DNMBP: variants seen among roughly 807,000 people sequenced by gnomAD.
DNMBP encodes the protein dynamin-binding protein.
DNMBP carries 87 observed loss-of-function variants against 150.0 expected under a neutral mutation model. The ratio of observed to expected loss-of-function variants is 0.58; its 90% CI spans 0.49 to 0.69. The LOEUF is 0.69. Among genes scored for constraint, DNMBP ranks in the 30% least tolerant of loss-of-function variants. DNMBP has a pLI of 0.00. For synonymous variants in DNMBP, 711 were observed against 750.4 expected (o/e 0.95, Z 0.86); for missense variants, 1,774 against 1,949.0 (o/e 0.91, Z 1.69).
intron 11 of DNMBP, among the ~76,000 whole-genome samples, chr10:99,889,912 TCTC>T (rs1175112549): frequency 6.6e-6 from 1 of 152,102 alleles, no homozygotes; most frequent in African/African-American, 2.4e-5. Context: ...ACCAGTTACC[TCTC>T]CTTCCTCAAG....
chr10:100,000,233 A>G (rs767004351), intron 1 of DNMBP, among the ~76,000 whole-genome samples: 2 of 152,182 alleles, frequency 1.3e-5, no homozygotes, highest in Admixed American at 6.5e-5. Context: ...GGAGGAAAGA[A>G]CCAACTAGAA....
At chr10:99,948,497 C>T in intron 4 of DNMBP, among the ~76,000 whole-genome samples, 1 of 152,126 alleles carries the variant, frequency 6.6e-6, no homozygotes, top group East Asian at 1.9e-4. Flanking sequence ...CACCTCAACT[C>T]TTAAGATTTT....
chr10:99,988,697 T>C (rs959140972), intron 1 of DNMBP, among the ~76,000 whole-genome samples: 3 of 152,180 alleles, frequency 2.0e-5, no homozygotes, highest in Non-Finnish European at 4.4e-5. Context: ...AGTCTTGCTC[T>C]GTCACCCAGG....
chr10:99,884,897 C>T (rs2039432831), intron 14 of DNMBP, among the ~76,000 whole-genome samples: 1 of 151,968 alleles, frequency 6.6e-6, no homozygotes, highest in Non-Finnish European at 1.5e-5. Context: ...GAGCAAGGCT[C>T]TGTCTCAAAA....
At position 99,900,069 on chromosome 10, in the gene DNMBP, T is replaced by TG. The variant is rs1469228125; in HGVS notation, c.2555-4_2555-3insC. 6.2e-7 allele frequency: 1 copy of TG among 1,614,138 alleles called. No individual in the cohort carries two copies. The highest frequency in any genetic ancestry group is 2.2e-5 in the East Asian group (1 of 44,874). On this transcript the variant is annotated splice_polypyrimidine_tract_variant and splice_region_variant and intron_variant, in intron 6 of 16. Transcript: ENST00000324109. ...CCGGTGACCAAGAAACACAGGTCCTTTGGAATACACACAAACATACAGTGT... is the reference window on the plus strand; with the variant it reads ...CCGGTGACCAAGAAACACAGGTCCTTGTGGAATACACACAAACATACAGTGT...
At chr10:99,985,470 C>A (rs1473001286) in intron 1 of DNMBP, among the ~76,000 whole-genome samples, 1 of 152,048 alleles carries the variant, frequency 6.6e-6, no homozygotes, top group Non-Finnish European at 1.5e-5. Flanking sequence ...CTCAGCCACC[C>A]AGGGGAGAGT....
At chr10:99,885,900 A>G in intron 13 of DNMBP, 34 bp from the exon 14 acceptor site, 1 of 1,544,908 alleles carries the variant, frequency 6.5e-7, no homozygotes, top group Middle Eastern at 1.7e-4. Context: ...GATAGAGAAA[A>G]GAAGAAAACA....
intron 13 of DNMBP, among the ~76,000 whole-genome samples, 157 bp from the exon 14 acceptor site, chr10:99,886,023 G>A (rs1451689144): frequency 2.0e-5 from 3 of 152,200 alleles, no homozygotes; most frequent in South Asian, 2.1e-4. Context: ...CTGAGCTACC[G>A]ACACAGCAGC....
intron 3 of DNMBP, among the ~76,000 whole-genome samples, chr10:99,964,996 G>A (rs1239826031): frequency 1.3e-5 from 2 of 151,944 alleles, no homozygotes; most frequent in Non-Finnish European, 2.9e-5. Context: ...AAGATCAGTG[G>A]TTCTGATTTC....
intron 3 of DNMBP, 103 bp downstream of exon 3, chr10:99,969,012 A>G (rs1214861816): frequency 7.2e-7 from 1 of 1,385,568 alleles, no homozygotes; most frequent in Admixed American, 1.8e-5. Flanking sequence ...AGGACTCTCT[A>G]GAGGTTAAGC....
chr10:99,985,022 C>T (rs1185480994), intron 1 of DNMBP, among the ~76,000 whole-genome samples: 8 of 152,184 alleles, frequency 5.3e-5, no homozygotes, highest in Non-Finnish European at 1.2e-4. Context: ...GGATTACAAG[C>T]ATGAGCCACT....
At chr10:99,986,583 A>C (rs2040829318) in intron 1 of DNMBP, among the ~76,000 whole-genome samples, 1 of 135,898 alleles carries the variant, frequency 7.4e-6, no homozygotes, top group African/African-American at 2.8e-5. Context: ...AGACAGAGCA[A>C]GACTCCGTCT....
At chr10:99,971,889 T>G (rs979514119) in intron 2 of DNMBP, 91 bp downstream of exon 2, 2 of 1,146,652 alleles carry the variant, frequency 1.7e-6, no homozygotes, top group South Asian at 3.2e-5. Context: ...AGGGTCTCAC[T>G]CTGTTGCCCA....
chr10:99,914,169 A>G, intron 4 of DNMBP: 2 of 1,263,030 alleles, frequency 1.6e-6, no homozygotes, highest in Non-Finnish European at 2.0e-6. Flanking sequence ...CTGGAACCCT[A>G]AGCGTACTGG....
intron 4 of DNMBP, among the ~76,000 whole-genome samples, chr10:99,936,209 AT>A (rs1370131961): frequency 6.6e-6 from 1 of 152,230 alleles, no homozygotes; most frequent in Non-Finnish European, 1.5e-5. Flanking sequence ...CATAAATCAT[AT>A]AGAACTGAAT....
rs1370671900 is a variant in DNMBP at position 99,876,970 on chromosome 10, GA to G, written c.*180del. On this transcript the variant is annotated 3_prime_UTR_variant, in exon 17 of 17. Transcript: ENST00000324109. ...CATTTCAAATTCTAGAGATTCTAGT[GA>G]GCATCAAGGTTTACAACCCAATCGA... is the stretch of plus-strand genomic sequence containing the variant. 2.0e-6 allele frequency: 1 copy of G among 509,130 alleles called. No homozygotes were observed. Among genetic ancestry groups the G allele is most frequent in the Non-Finnish European group, 3.4e-6 (1 of 293,486 alleles). The allele number at this position is 509,130 out of a possible 1,614,324, so 31.5% of individuals were successfully genotyped here.
intron 1 of DNMBP, among the ~76,000 whole-genome samples, chr10:99,974,355 G>C (rs532691129): frequency 6.6e-6 from 1 of 152,198 alleles, no homozygotes; most frequent in Non-Finnish European, 1.5e-5. Context: ...GGGAACCTAC[G>C]TATGTATTGA....
chr10:99,888,016 G>A (rs574691477), intron 12 of DNMBP, among the ~76,000 whole-genome samples: 5 of 152,060 alleles, frequency 3.3e-5, no homozygotes, highest in African/African-American at 9.7e-5. Flanking sequence ...TAGAGACAGG[G>A]TTTCTCCATG....
rs536153751 is a variant in DNMBP at position 99,950,056 on chromosome 10, G to A, written c.2260+5158C>T. The stretch of plus-strand genomic sequence containing the variant: ...CCCAAATCCCATCTTGAATTCCTAC[G>A]TGTTGTGGGAGGGACCTGGTAGGAG... On this transcript the variant is annotated intron_variant, in intron 4 of 16. Coordinates refer to ENST00000324109, the MANE Select transcript of DNMBP (RefSeq NM_015221.4). 8.7e-4 allele frequency among the ~76,000 whole-genome samples: 133 copies of A among 152,222 alleles called. 2 individuals carry two copies. The highest frequency in any genetic ancestry group is 2.4e-3 in the Admixed American group (37 of 15,292).
Sources: allele counts gnomAD v4.1 joint callset (sites outside exome capture counted in the v4.1 genomes callset), GRCh38; gene constraint gnomAD v4.1.1; transcripts MANE v1.5; gene names NCBI Gene and HGNC (gene_info 2026-07-23, HGNC 2026-07-21).